COMMD1: variants seen among roughly 807,000 people sequenced by gnomAD.
The protein encoded by COMMD1 is copper metabolism domain containing 1.
A neutral mutation model predicts 17.2 loss-of-function variants in COMMD1; 10 were observed. The ratio of observed to expected loss-of-function variants is 0.58; its 90% CI spans 0.36 to 0.99. COMMD1 has a LOEUF of 0.99. COMMD1 is among the 50% of genes least tolerant of loss of function. The pLI is 0.01. For synonymous variants in COMMD1, 97 were observed against 91.6 expected (o/e 1.06, Z -0.34); for missense variants, 270 against 231.8 (o/e 1.17, Z -1.07).
intron 2 of COMMD1, among the ~76,000 whole-genome samples, chr2:62,068,510 AAATG>A (rs1671115181): frequency 6.6e-6 from 1 of 152,208 alleles, no homozygotes; most frequent in African/African-American, 2.4e-5. Context: ...CTGGAGTTCA[AAATG>A]ACTGCTGAAA....
chr2:61,938,529 A>C (rs944652750), intron 1 of COMMD1, among the ~76,000 whole-genome samples: 2 of 152,174 alleles, frequency 1.3e-5, no homozygotes, highest in African/African-American at 4.8e-5. Context: ...TTTAACCTTC[A>C]CGTGCCCACT....
chr2:62,116,434 G>A (rs1381048288), intron 2 of COMMD1, among the ~76,000 whole-genome samples: 2 of 152,066 alleles, frequency 1.3e-5, no homozygotes, highest in Non-Finnish European at 2.9e-5. Flanking sequence ...CACTTTGGGA[G>A]GCCGAGGCAG....
intron 2 of COMMD1, among the ~76,000 whole-genome samples, chr2:62,008,294 A>G (rs1394140038): frequency 6.6e-6 from 1 of 152,172 alleles, no homozygotes; most frequent in East Asian, 1.9e-4. Context: ...TTTGTGTCAT[A>G]GGGGAAGCAG....
chr2:62,083,791 A>G (rs1184454999), intron 2 of COMMD1, among the ~76,000 whole-genome samples: 1 of 152,256 alleles, frequency 6.6e-6, no homozygotes, highest in Non-Finnish European at 1.5e-5. Context: ...ATGATACTCA[A>G]GTGTATAGTA....
chr2:61,977,887 G>A (rs1671849283), intron 1 of COMMD1, among the ~76,000 whole-genome samples: 2 of 151,780 alleles, frequency 1.3e-5, no homozygotes, highest in Non-Finnish European at 2.9e-5. Context: ...TACTAAGGAG[G>A]CTGAGGCTCA....
At chr2:61,957,631 T>C (rs1671232679) in intron 1 of COMMD1, among the ~76,000 whole-genome samples, 5 of 152,286 alleles carry the variant, frequency 3.3e-5, no homozygotes, top group Admixed American at 3.3e-4. Flanking sequence ...ATCTTTGTCT[T>C]AAAGACAAAT....
intron 1 of COMMD1, among the ~76,000 whole-genome samples, chr2:61,893,531 A>T (rs1178371644): frequency 2.0e-5 from 3 of 149,950 alleles, no homozygotes; most frequent in Non-Finnish European, 2.9e-5. Flanking sequence ...CAAGAGTTAC[A>T]GGCCGGGCGC....
chr2:61,971,861 C>G (rs1558542603), intron 1 of COMMD1, among the ~76,000 whole-genome samples: 1 of 152,046 alleles, frequency 6.6e-6, no homozygotes, highest in Non-Finnish European at 1.5e-5. Flanking sequence ...TGGCTCATGC[C>G]TGTAATCCCA....
intron 2 of COMMD1, among the ~76,000 whole-genome samples, chr2:62,096,496 C>T (rs1246145052): frequency 6.6e-6 from 1 of 152,130 alleles, no homozygotes; most frequent in Non-Finnish European, 1.5e-5. Flanking sequence ...GGGTGAGAGC[C>T]TGTTTTAGAT....
chr2:62,123,484 A>C (rs750703903), intron 2 of COMMD1, among the ~76,000 whole-genome samples: 30 of 150,866 alleles, frequency 2.0e-4, no homozygotes, highest in Non-Finnish European at 3.4e-4. Flanking sequence ...CAGCCTGGGC[A>C]ACAAAGCAAG....
At chr2:62,069,114 G>T (rs1052360333) in intron 2 of COMMD1, among the ~76,000 whole-genome samples, 3 of 151,956 alleles carry the variant, frequency 2.0e-5, no homozygotes, top group Non-Finnish European at 2.9e-5. Context: ...TTTATATTCT[G>T]GTTCTATTTT....
In COMMD1 at chr2:62,090,426, C is replaced by G. The variant is rs561855286; in HGVS notation, c.463-45405C>G. Among the ~76,000 whole-genome samples, 18 of 152,292 alleles carry G rather than the reference C, an allele frequency of 1.2e-4. No homozygotes were observed. The South Asian group carries it at 3.5e-3, about 30-fold the overall frequency. ...TGTAGGACTGACACTAAATCAGAAT[C>G]CAATACATTTAATGTCTCTTCTGGC... is the stretch of plus-strand genomic sequence containing the variant. On this transcript the variant is annotated intron_variant, in intron 2 of 2. Transcript: ENST00000311832.
intron 1 of COMMD1, among the ~76,000 whole-genome samples, chr2:61,890,417 C>G (rs868483735): frequency 4.6e-5 from 7 of 152,100 alleles, no homozygotes; most frequent in Admixed American, 6.5e-5. Context: ...CGGGGTTTCT[C>G]CATGTTGGAC....
chr2:62,073,370 T>C (rs574606312), intron 2 of COMMD1, among the ~76,000 whole-genome samples: 1 of 152,342 alleles, frequency 6.6e-6, no homozygotes, highest in African/African-American at 2.4e-5. Context: ...CATGAGGCTT[T>C]ATGTATATAA....
intron 2 of COMMD1, among the ~76,000 whole-genome samples, chr2:62,082,702 A>G (rs549843911): frequency 2.1e-4 from 32 of 152,324 alleles, no homozygotes; most frequent in African/African-American, 7.7e-4. Flanking sequence ...TCTACTAAAA[A>G]TACAAAAATT....
intron 2 of COMMD1, among the ~76,000 whole-genome samples, chr2:62,052,249 G>A (rs535371709): frequency 7.2e-5 from 11 of 152,172 alleles, no homozygotes; most frequent in African/African-American, 2.4e-4. Context: ...CCAGGAGTTC[G>A]AGACCAGCCT....
At chr2:61,935,580 C>T (rs117500832) in intron 1 of COMMD1, among the ~76,000 whole-genome samples, 3 of 150,910 alleles carry the variant, frequency 2.0e-5, no homozygotes, top group South Asian at 2.1e-4. Context: ...GTGAGCCGAC[C>T]GAGATCACAC....
chr2:62,068,797 T>A (rs1021238391), intron 2 of COMMD1, among the ~76,000 whole-genome samples: 3 of 151,636 alleles, frequency 2.0e-5, no homozygotes, highest in Admixed American at 6.6e-5. Flanking sequence ...GCTGATTTTT[T>A]ATTTTATTTT....
chr2:62,085,257 A>T (rs1404717153), intron 2 of COMMD1, among the ~76,000 whole-genome samples: 3 of 148,364 alleles, frequency 2.0e-5, no homozygotes, highest in African/African-American at 7.6e-5. Flanking sequence ...TTGCTCTGTC[A>T]CCCAGGCTGG....
Sources: gnomAD v4.1 joint callset for allele counts (sites outside exome capture counted in the v4.1 genomes callset) on GRCh38, gnomAD v4.1.1 for gene constraint, MANE v1.5 for transcripts, NCBI Gene and HGNC (gene_info 2026-07-23, HGNC 2026-07-21) for gene names.